C2orf42: variants seen among roughly 807,000 people sequenced by gnomAD.
C2orf42 encodes the protein chromosome 2 open reading frame 42, also known as uncharacterized protein C2orf42.
C2orf42 carries 44 observed loss-of-function variants against 58.9 expected under a neutral mutation model. The ratio of observed to expected loss-of-function variants is 0.75; its 90% confidence interval spans 0.59 to 0.96. The LOEUF is 0.96. C2orf42 is among the 40% of genes least tolerant of loss of function. The pLI is 0.00. For missense variants in C2orf42, 630 were observed against 699.2 expected, an observed-to-expected ratio of 0.90 and a Z score of 1.12; for synonymous variants, 239 against 265.4, an observed-to-expected ratio of 0.90 and a Z score of 0.97.
chr2:70,165,745 C>T, intron 6 of C2orf42, 110 bp from the exon 7 acceptor site: 1 of 660,036 alleles, frequency 1.5e-6, no homozygotes, highest in Non-Finnish European at 2.7e-6. Flanking sequence ...CTAAAAATAC[C>T]ACTGAGATTT....
chr2:70,167,436 G>C (rs1572995381), intron 6 of C2orf42, among the ~76,000 whole-genome samples: 1 of 151,578 alleles, frequency 6.6e-6, no homozygotes, highest in Non-Finnish European at 1.5e-5. Flanking sequence ...AGTGAGTTCA[G>C]TCTTTCTTAA....
In C2orf42 at chr2:70,152,139, T is replaced by A. The variant is rs78584413; in HGVS notation, c.1517-1575A>T. On this transcript the variant is annotated intron_variant, in intron 9 of 9. Transcript: ENST00000264434. Reference sequence around the variant, plus strand: ...CCACTTTAGCCTAAATAGTCACCCCTTTTAAATTCCTTCCCTCTACTTCTT... The same window carrying A: ...CCACTTTAGCCTAAATAGTCACCCCATTTAAATTCCTTCCCTCTACTTCTT... Among the ~76,000 whole-genome samples the A allele has an allele frequency of 3.9e-4, 60 of 152,258 alleles. No individual in the cohort carries two copies. The East Asian group carries it at 0.011, about 29-fold the overall frequency.
At chr2:70,169,488 G>T in intron 6 of C2orf42, 69 bp downstream of exon 6, 2 of 770,778 alleles carry the variant, frequency 2.6e-6, no homozygotes, top group Non-Finnish European at 2.3e-6. Flanking sequence ...TATCAGAGGA[G>T]AATTACAGCA....
At chr2:70,158,900 C>CA (rs1256588946) in intron 9 of C2orf42, among the ~76,000 whole-genome samples, 1 of 106,288 alleles carries the variant, frequency 9.4e-6, no homozygotes. Context: ...CCGAGTATTC[C>CA]TTTTTTTTTT....
At chr2:70,171,043 A>G (rs1177370402) in intron 5 of C2orf42, among the ~76,000 whole-genome samples, 1 of 151,744 alleles carries the variant, frequency 6.6e-6, no homozygotes, top group Non-Finnish European at 1.5e-5. Context: ...TGAACCCGGG[A>G]GGCGGAGCTT....
At chr2:70,150,977 C>CT (rs1672274028) in intron 9 of C2orf42, among the ~76,000 whole-genome samples, 1 of 152,176 alleles carries the variant, frequency 6.6e-6, no homozygotes, top group Non-Finnish European at 1.5e-5. Flanking sequence ...ATCTCTTGAC[C>CT]TTGTGATCCG....
chr2:70,187,508 C>T (rs1047036695), intron 1 of C2orf42, among the ~76,000 whole-genome samples: 8 of 152,026 alleles, frequency 5.3e-5, no homozygotes, highest in African/African-American at 1.9e-4. Flanking sequence ...CTGCCTCGGC[C>T]TCTCAAGTGC....
At chr2:70,159,191 C>T (rs112568620) in intron 9 of C2orf42, among the ~76,000 whole-genome samples, 4 of 151,940 alleles carry the variant, frequency 2.6e-5, no homozygotes, top group African/African-American at 4.8e-5. Flanking sequence ...CGGCCCTCGG[C>T]GGAGTATTCC....
At chr2:70,174,213 CAGG>C (rs1430100385) in intron 5 of C2orf42, among the ~76,000 whole-genome samples, 1 of 152,058 alleles carries the variant, frequency 6.6e-6, no homozygotes, top group Admixed American at 6.6e-5. Flanking sequence ...GAGGCTAAAA[CAGG>C]AGAATCGCTT....
chr2:70,189,702 C>T (rs1443962287), intron 1 of C2orf42, among the ~76,000 whole-genome samples: 2 of 131,472 alleles, frequency 1.5e-5, no homozygotes, highest in South Asian at 4.6e-4. Context: ...TGGGCGACAG[C>T]GAGACTCCGT....
At chr2:70,168,925 G>C (rs887701880) in intron 6 of C2orf42, among the ~76,000 whole-genome samples, 1 of 151,920 alleles carries the variant, frequency 6.6e-6, no homozygotes, top group Non-Finnish European at 1.5e-5. Context: ...ATGTTGGCCA[G>C]GCTTGTCTTG....
At chr2:70,190,333 T>A (rs1675265747) in intron 1 of C2orf42, 1 of 152,198 alleles carries the variant, frequency 6.6e-6, no homozygotes, top group African/African-American at 2.4e-5. Context: ...GTGGATTCTG[T>A]TTCATGCTTG....
At chr2:70,163,767 T>C (rs899958111) in intron 8 of C2orf42, among the ~76,000 whole-genome samples, 1 of 151,962 alleles carries the variant, frequency 6.6e-6, no homozygotes, top group African/African-American at 2.4e-5. Flanking sequence ...TGAGAACTGC[T>C]TGAACCTGGG....
intron 9 of C2orf42, among the ~76,000 whole-genome samples, chr2:70,158,788 T>A (rs2104851468): frequency 6.6e-6 from 1 of 152,226 alleles, no homozygotes; most frequent in Non-Finnish European, 1.5e-5. Flanking sequence ...AGATGGGGTT[T>A]CACCATGTTG....
chr2:70,189,943 G>GAA (rs535557067), intron 1 of C2orf42, among the ~76,000 whole-genome samples: 1 of 137,812 alleles, frequency 7.3e-6, no homozygotes. Flanking sequence ...TCTTTTAAAA[G>GAA]AAAAAAAAAA....
At chr2:70,155,946 G>A (rs1248109719) in intron 9 of C2orf42, among the ~76,000 whole-genome samples, 10 of 151,852 alleles carry the variant, frequency 6.6e-5, no homozygotes, top group Non-Finnish European at 1.5e-4. Flanking sequence ...ACCTGAGGTT[G>A]GGAATTCAAG....
chr2:70,151,628 C>T (rs111823645), intron 9 of C2orf42, among the ~76,000 whole-genome samples: 6 of 151,246 alleles, frequency 4.0e-5, no homozygotes, highest in East Asian at 1.9e-4. Context: ...AGTGAGACTC[C>T]GCCTCAAAAA....
chr2:70,160,491 A>G, intron 9 of C2orf42, 134 bp downstream of exon 9: 1 of 604,238 alleles, frequency 1.7e-6, no homozygotes, highest in South Asian at 2.7e-5. Flanking sequence ...AAAATACCTT[A>G]TCCCACGATT....
chr2:70,180,607 C>CAAAAAAAAA (rs59381817), intron 3 of C2orf42, among the ~76,000 whole-genome samples: 1 of 57,068 alleles, frequency 1.8e-5, no homozygotes, highest in Non-Finnish European at 3.2e-5. Flanking sequence ...GATTCTGTCT[C>CAAAAAAAAA]AAAAAAAAAA....
Sources: gnomAD v4.1 joint callset for allele counts (sites outside exome capture counted in the v4.1 genomes callset) on GRCh38, gnomAD v4.1.1 for gene constraint, MANE v1.5 for transcripts, NCBI Gene and HGNC (gene_info 2026-07-23, HGNC 2026-07-21) for gene names.